The following TENM4 variants were observed in gnomAD, a reference collection of about 807,000 sequenced individuals.
TENM4 encodes the protein teneurin transmembrane protein 4.
In TENM4, 82 loss-of-function variants were observed where a neutral mutation model predicts 243.3. The observed-to-expected ratio is 0.34, with a 90% CI of 0.28 to 0.40. The LOEUF is 0.40. TENM4 is among the 10% of genes least tolerant of loss of function. The pLI, the probability that TENM4 is intolerant of heterozygous loss-of-function variation, is 1.00. For synonymous variants in TENM4, 1,412 were observed against 1,456.3 expected (o/e 0.97, Z 0.69); for missense variants, 3,138 against 3,673.3 (o/e 0.85, Z 3.77).
intron 12 of TENM4, among the ~76,000 whole-genome samples, chr11:78,832,844 G>A (rs1157048360): frequency 1.3e-5 from 2 of 152,228 alleles, no homozygotes; most frequent in Non-Finnish European, 2.9e-5. Context: ...TGTATGGAAA[G>A]GCTGCTAAAT....
chr11:79,039,661 A>G (rs1440045294), intron 6 of TENM4, among the ~76,000 whole-genome samples: 1 of 152,234 alleles, frequency 6.6e-6, no homozygotes, highest in Non-Finnish European at 1.5e-5. Flanking sequence ...GAGGGAGAGC[A>G]TTAGGACAAA....
At chr11:79,419,683 C>G (rs1006102695) in intron 1 of TENM4, among the ~76,000 whole-genome samples, 3 of 152,142 alleles carry the variant, frequency 2.0e-5, no homozygotes, top group African/African-American at 7.2e-5. Flanking sequence ...AAGATAACAC[C>G]CATAACCTGG....
At chr11:79,212,874 G>A (rs934876361) in intron 3 of TENM4, among the ~76,000 whole-genome samples, 6 of 152,138 alleles carry the variant, frequency 3.9e-5, no homozygotes, top group African/African-American at 1.4e-4. Context: ...ACAAGTCTCC[G>A]CCTCCTGACC....
intron 6 of TENM4, among the ~76,000 whole-genome samples, chr11:78,904,048 G>A (rs1432268438): frequency 6.6e-6 from 1 of 151,942 alleles, no homozygotes; most frequent in African/African-American, 2.4e-5. Flanking sequence ...CACAGTAAAC[G>A]AAACAAACCA....
intron 33 of TENM4, among the ~76,000 whole-genome samples, chr11:78,659,997 T>C (rs1857990575): frequency 6.6e-6 from 1 of 152,208 alleles, no homozygotes; most frequent in Non-Finnish European, 1.5e-5. Flanking sequence ...ACAACAAAGA[T>C]CTCCGATGCT....
At chr11:79,050,644 T>C (rs186465116) in intron 6 of TENM4, among the ~76,000 whole-genome samples, 2 of 152,348 alleles carry the variant, frequency 1.3e-5, no homozygotes, top group Non-Finnish European at 2.9e-5. Flanking sequence ...TACACTTATT[T>C]CCTTTTTGGA....
At chr11:78,812,728 C>T (rs1857525321) in intron 13 of TENM4, among the ~76,000 whole-genome samples, 1 of 152,168 alleles carries the variant, frequency 6.6e-6, no homozygotes, top group South Asian at 2.1e-4. Context: ...CTTCCCCACA[C>T]CTCATCTGCA....
At chr11:79,027,609 AT>A (rs1859113916) in intron 6 of TENM4, among the ~76,000 whole-genome samples, 1 of 151,920 alleles carries the variant, frequency 6.6e-6, no homozygotes, top group Admixed American at 6.5e-5. Context: ...GGTGCAAATG[AT>A]TTTTTCCTTT....
intron 2 of TENM4, among the ~76,000 whole-genome samples, chr11:79,286,075 C>G (rs1031343243): frequency 6.6e-6 from 1 of 151,958 alleles, no homozygotes; most frequent in African/African-American, 2.4e-5. Flanking sequence ...AAAACGTATG[C>G]AAGAAAGAGG....
chr11:79,199,860 C>T (rs558611659), intron 3 of TENM4, among the ~76,000 whole-genome samples: 1 of 152,350 alleles, frequency 6.6e-6, no homozygotes, highest in Admixed American at 6.5e-5. Context: ...TCCTCCACAG[C>T]AGCTGACAAT....
At chr11:78,932,478 G>T (rs1315005333) in intron 6 of TENM4, among the ~76,000 whole-genome samples, 1 of 152,006 alleles carries the variant, frequency 6.6e-6, no homozygotes, top group Non-Finnish European at 1.5e-5. Flanking sequence ...GTTCCGAGAA[G>T]ATCTCTGACT....
At chr11:78,794,574 T>A (rs1857123943) in intron 15 of TENM4, among the ~76,000 whole-genome samples, 1 of 152,182 alleles carries the variant, frequency 6.6e-6, no homozygotes. Flanking sequence ...TGATGTGATT[T>A]GGCTTAGTGG....
rs777650575 is a variant in TENM4 at position 78,805,425 on chromosome 11, C to T, written c.2046G>A (p.Val682=). 1.9e-5 allele frequency: 30 copies of T among 1,602,684 alleles called. No individual in the cohort carries two copies. In the South Asian group the frequency reaches 2.9e-4, roughly 16 times the overall value. Residue 682 remains valine, a synonymous_variant, in exon 15 of 34, where the codon GTG becomes GTA. Coordinates refer to ENST00000278550, the MANE Select transcript of TENM4 (RefSeq NM_001098816.3). ...VCVRGECHCS[V]GWGGTNCETP... ...TCTCGCAGTTGGTGCCTCCCCATCCCACAGAGCAGTGGCATTCGCCTCTCA... is the reference window on the plus strand; with the variant it reads ...TCTCGCAGTTGGTGCCTCCCCATCCTACAGAGCAGTGGCATTCGCCTCTCA...
At chr11:78,714,721 C>G (rs956743305) in intron 25 of TENM4, among the ~76,000 whole-genome samples, 1 of 152,094 alleles carries the variant, frequency 6.6e-6, no homozygotes, top group African/African-American at 2.4e-5. Flanking sequence ...GGCCACAGAC[C>G]TGTCCCTGCA....
chr11:78,740,018 G>T (rs1186940565), intron 19 of TENM4, among the ~76,000 whole-genome samples: 4 of 152,198 alleles, frequency 2.6e-5, no homozygotes, highest in Non-Finnish European at 5.9e-5. Context: ...TCAAGGATCC[G>T]CACATTGGGG....
chr11:79,030,496 C>T (rs553311313), intron 6 of TENM4, among the ~76,000 whole-genome samples: 2 of 152,298 alleles, frequency 1.3e-5, no homozygotes, highest in South Asian at 4.1e-4. Context: ...GCTGGACATA[C>T]CACCAATGAA....
chr11:78,869,526 G>A (rs548418385), intron 9 of TENM4, among the ~76,000 whole-genome samples: 1 of 152,148 alleles, frequency 6.6e-6, no homozygotes, highest in Non-Finnish European at 1.5e-5. Context: ...GCATGGGGGA[G>A]GGGTCCTGAC....
In TENM4 at chr11:78,972,018, A is replaced by C. The variant is rs531930317; in HGVS notation, c.494-68495T>G. Among the ~76,000 whole-genome samples, 85 of 152,390 alleles carry C rather than the reference A, an allele frequency of 5.6e-4. 1 individual carries two copies. Among genetic ancestry groups the C allele is most frequent in the African/African-American group, 1.9e-3 (80 of 41,596 alleles). On this transcript the variant is annotated intron_variant, in intron 6 of 33. Coordinates refer to ENST00000278550, the MANE Select transcript of TENM4 (RefSeq NM_001098816.3). ...TGGGTGCAATCTGTATAAAAATGTTAAGACCAGTAATCTTAGGGCAGTAAA... is the reference window on the plus strand; with the variant it reads ...TGGGTGCAATCTGTATAAAAATGTTCAGACCAGTAATCTTAGGGCAGTAAA...
At chr11:79,439,576 C>G (rs541759181) in intron 1 of TENM4, among the ~76,000 whole-genome samples, 2 of 151,122 alleles carry the variant, frequency 1.3e-5, no homozygotes, top group African/African-American at 4.9e-5. Context: ...ACTCGCCCGA[C>G]CCCCCCGCCA....
Sources: allele counts gnomAD v4.1 joint callset (sites outside exome capture counted in the v4.1 genomes callset), GRCh38; gene constraint gnomAD v4.1.1; transcripts MANE v1.5; gene names NCBI Gene and HGNC (gene_info 2026-07-23, HGNC 2026-07-21).